Variants in TSNAXIP1 observed in about 807,000 individuals in gnomAD.
TSNAXIP1 encodes the protein translin associated factor X interacting protein 1.
A neutral mutation model predicts 84.8 loss-of-function variants in TSNAXIP1; 89 were observed. The observed-to-expected ratio is 1.05, with a 90% CI of 0.88 to 1.25. The LOEUF (loss-of-function observed/expected upper bound fraction) is 1.25, where lower values mean the gene tolerates loss of function less well. Ranked by LOEUF, TSNAXIP1 falls within the 50% of genes most tolerant of loss-of-function variation. The pLI is 0.00. For synonymous variants in TSNAXIP1, 347 were observed against 335.2 expected (o/e 1.04, Z -0.39); for missense variants, 874 against 887.6 (o/e 0.98, Z 0.20).
chr16:67,808,563 G>A (rs1340594192), intron 1 of TSNAXIP1, among the ~76,000 whole-genome samples: 1 of 150,310 alleles, frequency 6.7e-6, no homozygotes, highest in Non-Finnish European at 1.5e-5. Context: ...AACAGAGCGA[G>A]ACTACGTCTC....
chr16:67,807,006 G>A lies in TSNAXIP1; in HGVS notation c.-144G>A, dbSNP rs2055493683. ...TACTTTGTCCTACTCCCAGCCCGCG[G>A]GCGCTAGGCTCGGGGGCGTGGCGCA... On this transcript the variant is annotated 5_prime_UTR_variant, in exon 1 of 16. Coordinates refer to ENST00000561639, the MANE Select transcript of TSNAXIP1 (RefSeq NM_001288990.3). 7.5e-7 allele frequency: 1 copy of A among 1,340,748 alleles called. No homozygotes were observed. 83.1% of individuals were successfully genotyped at this position (1,340,748 alleles called of 1,614,324 possible).
intron 1 of TSNAXIP1, among the ~76,000 whole-genome samples, chr16:67,808,539 A>C (rs1411783942): frequency 1.3e-5 from 2 of 151,286 alleles, no homozygotes; most frequent in South Asian, 2.1e-4. Context: ...CTGCCACTGC[A>C]CTCCAGCCTG....
At chr16:67,823,103 AG>A (rs762019798) in intron 4 of TSNAXIP1, among the ~76,000 whole-genome samples, 3 of 152,242 alleles carry the variant, frequency 2.0e-5, no homozygotes, top group Non-Finnish European at 4.4e-5. Context: ...GCAGTCCACT[AG>A]GCCTCAGAGA....
At chr16:67,824,846 C>A in intron 6 of TSNAXIP1, 67 bp downstream of exon 6, 1 of 1,513,460 alleles carries the variant, frequency 6.6e-7, no homozygotes. Context: ...CAAGGGTGAC[C>A]CCCTACCCTG....
chr16:67,807,782 C>T (rs186565477), intron 1 of TSNAXIP1: 2 of 193,568 alleles, frequency 1.0e-5, no homozygotes, highest in Admixed American at 5.5e-5. Context: ...ACCCGGCCTA[C>T]GTACCATATT....
intron 2 of TSNAXIP1, among the ~76,000 whole-genome samples, chr16:67,815,142 C>G (rs2056433713): frequency 6.6e-6 from 1 of 151,812 alleles, no homozygotes; most frequent in African/African-American, 2.4e-5. Context: ...ATGGCGAAAC[C>G]CCATATCTAC....
chr16:67,824,842 T>A, intron 6 of TSNAXIP1, 63 bp downstream of exon 6: 1 of 1,537,636 alleles, frequency 6.5e-7, no homozygotes, highest in Non-Finnish European at 8.8e-7. Flanking sequence ...ACGACAAGGG[T>A]GACCCCCTAC....
Position 67,823,549 on chromosome 16 carries a change from A to G in TSNAXIP1, c.388-77A>G, listed in dbSNP as rs2057220152. The G allele has an allele frequency of 2.4e-6, 3 of 1,247,778 alleles. No homozygotes were observed. The East Asian group carries it at 7.3e-5, about 30-fold the overall frequency. 77.3% of individuals were successfully genotyped at this position (1,247,778 alleles called of 1,614,324 possible). A position where few individuals can be genotyped will look rare whatever the true frequency, so the allele number is the denominator to read the frequency against. Reference sequence around the variant, plus strand: ...TGGAGCGACACTCCGTCTCAGGAAAAAAGAAAAAGAAAAACAGTTCCCCAC... The same window carrying G: ...TGGAGCGACACTCCGTCTCAGGAAAGAAGAAAAAGAAAAACAGTTCCCCAC... On this transcript the variant is annotated intron_variant, in intron 4 of 15. Coordinates refer to ENST00000561639, the MANE Select transcript of TSNAXIP1 (RefSeq NM_001288990.3).
Position 67,827,912 on chromosome 16 carries a change from A to T in TSNAXIP1, c.2058A>T (p.Glu686Asp). 6.2e-7 allele frequency: 1 copy of T among 1,613,946 alleles called. No homozygotes were observed. The part of the protein sequence containing the change: ...EGDEKEEAVV[E>D]ILQTALERLQ... ...ACGAGAAGGAAGAAGCCGTGGTGGA[A>T]ATCCTCCAGACTGCCCTGGAGCGGC... is the stretch of plus-strand genomic sequence containing the variant. The change falls in exon 16 of 16, where the codon GAA becomes GAT. Residue 686 changes from glutamate to aspartate, a missense_variant. Coordinates refer to ENST00000561639, the MANE Select transcript of TSNAXIP1 (RefSeq NM_001288990.3).
chr16:67,814,442 C>T, intron 2 of TSNAXIP1, 41 bp downstream of exon 2: 1 of 1,484,644 alleles, frequency 6.7e-7, no homozygotes, highest in African/African-American at 1.4e-5. Context: ...ATGTCAGCCC[C>T]CAGACCCTAT....
In TSNAXIP1 at chr16:67,826,276, T is replaced by C; in HGVS notation, c.1269T>C (p.Pro423=). 1 of 1,578,290 alleles carries C rather than the reference T, an allele frequency of 6.3e-7. No individual in the cohort carries two copies. The highest frequency in any genetic ancestry group is 8.6e-7 in the Non-Finnish European group (1 of 1,160,436). ...SGLLREKDFF[P]GLGYGEAIPA... is the part of the protein sequence containing the mutation. Reference sequence around the variant, plus strand: ...TGCTGCGGGAGAAAGACTTCTTCCCTGGTCTGGTAGGGGAGGCCCCAGGAG... The same window carrying C: ...TGCTGCGGGAGAAAGACTTCTTCCCCGGTCTGGTAGGGGAGGCCCCAGGAG... The change falls in exon 10 of 16, where the codon CCT becomes CCC. Residue 423 remains proline (P), a synonymous_variant. Transcript: ENST00000561639.
chr16:67,811,194 G>A (rs1418732572), intron 1 of TSNAXIP1, among the ~76,000 whole-genome samples: 2 of 136,360 alleles, frequency 1.5e-5, no homozygotes, highest in Non-Finnish European at 3.0e-5. Flanking sequence ...GAGCCATCAC[G>A]CCCAAGCCCA....
chr16:67,812,690 G>C (rs1271280867), intron 1 of TSNAXIP1, among the ~76,000 whole-genome samples: 1 of 151,576 alleles, frequency 6.6e-6, no homozygotes, highest in Non-Finnish European at 1.5e-5. Context: ...AATTGGCTAG[G>C]TACAGTGGCT....
chr16:67,827,569 G>A lies in TSNAXIP1; in HGVS notation c.1888G>A (p.Gly630Ser). ...EYLQQLKQEL[G>S]IELHEEVTLP... is the part of the protein sequence containing the mutation. ...CTTACAGCAGCTAAAGCAGGAGCTT[G>A]GCATAGAACTGTGAGTGACCCTCAT... Residue 630 changes from glycine (G) to serine (S), a missense_variant, in exon 15 of 16, where the codon GGC (glycine) becomes AGC (serine). Gly to Ser is a moderately conservative substitution (Grantham distance 56, BLOSUM62 0). Coordinates refer to ENST00000561639, the MANE Select transcript of TSNAXIP1 (RefSeq NM_001288990.3). 1 of 1,614,172 alleles carries A rather than the reference G, an allele frequency of 6.2e-7. No homozygotes were observed. The highest frequency in any genetic ancestry group is 1.1e-5 in the South Asian group (1 of 91,068).
chr16:67,824,566 CACCT>C lies in TSNAXIP1; in HGVS notation c.482-16_482-13del. 9 of 1,611,170 alleles carry C rather than the reference CACCT, an allele frequency of 5.6e-6. No individual in the cohort carries two copies. Among genetic ancestry groups the C allele is most frequent in the Non-Finnish European group, 6.8e-6 (8 of 1,178,592 alleles). ...CTCCATGGCCCCAAAGCAGCTCTCC[CACCT>C]GTCTCTGCTTAGCCCACCAAAGGGA... On this transcript the variant is annotated splice_polypyrimidine_tract_variant and intron_variant, in intron 5 of 15. Transcript: ENST00000561639.
chr16:67,814,991 C>T (rs2056420944), intron 2 of TSNAXIP1, among the ~76,000 whole-genome samples: 1 of 151,444 alleles, frequency 6.6e-6, no homozygotes, highest in African/African-American at 2.4e-5. Flanking sequence ...AATGCTGTAC[C>T]AAAGGTATCA....
intron 4 of TSNAXIP1, among the ~76,000 whole-genome samples, chr16:67,821,616 C>T (rs539557925): frequency 4.8e-4 from 73 of 152,222 alleles, no homozygotes; most frequent in South Asian, 6.2e-4. Flanking sequence ...GACTGAGCAC[C>T]TCAGACCTTC....
intron 2 of TSNAXIP1, among the ~76,000 whole-genome samples, chr16:67,817,315 AT>A (rs561026786): frequency 0.28 from 36,157 of 128,778 alleles, 6,026 homozygotes; most frequent in African/African-American, 0.51. Context: ...GCGCCCGGCT[AT>A]TTTTTTTTTT....
At chr16:67,814,688 C>G (rs1328915988) in intron 2 of TSNAXIP1, among the ~76,000 whole-genome samples, 1 of 152,212 alleles carries the variant, frequency 6.6e-6, no homozygotes, top group Non-Finnish European at 1.5e-5. Context: ...TCCCCAGCAG[C>G]TCAGCATTCT....
Sources: gnomAD v4.1 joint callset for allele counts (sites outside exome capture counted in the v4.1 genomes callset) on GRCh38, gnomAD v4.1.1 for gene constraint, MANE v1.5 for transcripts, NCBI Gene and HGNC (gene_info 2026-07-23, HGNC 2026-07-21) for gene names.